Variants in FAM174A observed in about 807,000 individuals in gnomAD.
FAM174A encodes the protein family with sequence similarity 174 member A.
Under a neutral mutation model 14.3 loss-of-function variants are expected in FAM174A, and 14 were observed. The ratio of observed to expected loss-of-function variants is 0.98; its 90% CI spans 0.65 to 1.53. The LOEUF (loss-of-function observed/expected upper bound fraction) is 1.53. FAM174A is among the 40% of genes most tolerant of loss of function. FAM174A has a pLI of 0.00. For missense variants in FAM174A, 241 were observed against 249.6 expected, an observed-to-expected ratio of 0.97 and a Z score of 0.23; for synonymous variants, 108 against 111.4, an observed-to-expected ratio of 0.97 and a Z score of 0.19.
intron 1 of FAM174A, among the ~76,000 whole-genome samples, chr5:100,538,998 T>A (rs2112361907): frequency 6.6e-6 from 1 of 152,298 alleles, no homozygotes; most frequent in Admixed American, 6.5e-5. Flanking sequence ...TCCTTTTTCA[T>A]GCCATGTCGT....
intron 1 of FAM174A, among the ~76,000 whole-genome samples, chr5:100,538,066 T>C (rs896126594): frequency 1.3e-5 from 2 of 152,208 alleles, no homozygotes; most frequent in Admixed American, 6.5e-5. Context: ...AAGTGCATTC[T>C]TTAACCAGCA....
rs754199628 is a variant in FAM174A, at chr5:100,535,719, C to T, written c.189C>T (p.Ala63=). 50 of 1,605,674 alleles carry T rather than the reference C, an allele frequency of 3.1e-5. No individual in the cohort carries two copies. The Middle Eastern group carries it at 1.6e-3, about 53-fold the overall frequency. ...CGCTGCCACCGGGCCCTACCCCTGCCCAGCAGCCGGGCCGTGGTCTGGCTG... is the reference window on the plus strand; with the variant it reads ...CGCTGCCACCGGGCCCTACCCCTGCTCAGCAGCCGGGCCGTGGTCTGGCTG... ...LPPLPPGPTP[A]QQPGRGLAEA... is the part of the protein sequence containing the mutation. The change falls in exon 1 of 3, where the codon GCC becomes GCT. Residue 63 remains alanine (A), a synonymous_variant. Coordinates refer to ENST00000312637, the MANE Select transcript of FAM174A (RefSeq NM_198507.3).
intron 2 of FAM174A, among the ~76,000 whole-genome samples, chr5:100,581,624 A>G (rs546452113): frequency 6.6e-6 from 1 of 152,312 alleles, no homozygotes; most frequent in South Asian, 2.1e-4. Flanking sequence ...TAAGTTAAAA[A>G]TAATTCCAAT....
At chr5:100,576,627 T>C (rs1383947495) in intron 2 of FAM174A, among the ~76,000 whole-genome samples, 1 of 152,134 alleles carries the variant, frequency 6.6e-6, no homozygotes, top group East Asian at 1.9e-4. Flanking sequence ...GACTTACCAG[T>C]TGAGGTGGAA....
chr5:100,551,820 C>G (rs2112373955), intron 1 of FAM174A, among the ~76,000 whole-genome samples: 1 of 152,274 alleles, frequency 6.6e-6, no homozygotes, highest in Admixed American at 6.5e-5. Context: ...ACATGGCGTT[C>G]TGCCTGTGTG....
At chr5:100,542,244 C>T (rs1237319303) in intron 1 of FAM174A, among the ~76,000 whole-genome samples, 1 of 152,142 alleles carries the variant, frequency 6.6e-6, no homozygotes, top group Non-Finnish European at 1.5e-5. Context: ...TATAGCCAGC[C>T]AACTTCTTAC....
chr5:100,586,263 C>T lies in FAM174A; in HGVS notation c.*79C>T. Reference sequence around the variant, plus strand: ...TCTATGTTTAAGGAATAAGAAGCCACTATATCAATGTTGGGGGGGTATTTA... The same window carrying T: ...TCTATGTTTAAGGAATAAGAAGCCATTATATCAATGTTGGGGGGGTATTTA... On this transcript the variant is annotated 3_prime_UTR_variant, in exon 3 of 3. Coordinates refer to ENST00000312637, the MANE Select transcript of FAM174A (RefSeq NM_198507.3). The T allele has an allele frequency of 5.0e-6, 5 of 1,000,602 alleles. No homozygotes were observed. In the South Asian group the frequency reaches 8.1e-5, roughly 16 times the overall value. 62.0% of individuals were successfully genotyped at this position (1,000,602 alleles called of 1,614,324 possible).
intron 2 of FAM174A, among the ~76,000 whole-genome samples, chr5:100,578,289 G>A (rs1326011524): frequency 2.0e-5 from 3 of 152,088 alleles, no homozygotes; most frequent in African/African-American, 7.2e-5. Context: ...GTTATTGACT[G>A]AATGCCCTTA....
chr5:100,571,731 A>G (rs1289229482), intron 2 of FAM174A, among the ~76,000 whole-genome samples: 2 of 149,016 alleles, frequency 1.3e-5, no homozygotes, highest in Non-Finnish European at 3.0e-5. Flanking sequence ...ACTTTATTAT[A>G]AAGTAATAGA....
chr5:100,540,983 T>C (rs1217947116), intron 1 of FAM174A, among the ~76,000 whole-genome samples: 1 of 152,226 alleles, frequency 6.6e-6, no homozygotes, highest in African/African-American at 2.4e-5. Context: ...AGATCTTTGC[T>C]TCACCACATC....
In FAM174A at chr5:100,561,889, T is replaced by C. The variant is rs1484871150; in HGVS notation, c.435-165T>C. 2.6e-5 allele frequency among the ~76,000 whole-genome samples: 4 copies of C among 151,890 alleles called. No homozygotes were observed. In the East Asian group the frequency reaches 5.8e-4, roughly 22 times the overall value. On this transcript the variant is annotated intron_variant, in intron 1 of 2. Transcript: ENST00000312637. ...CATAAACATGTAGGAGTAGGTTTTGTTTCATGAAGTTTAATCCTAGGTGGT... is the reference window on the plus strand; with the variant it reads ...CATAAACATGTAGGAGTAGGTTTTGCTTCATGAAGTTTAATCCTAGGTGGT...
chr5:100,572,556 T>A (rs901418246), intron 2 of FAM174A, among the ~76,000 whole-genome samples: 2 of 151,848 alleles, frequency 1.3e-5, no homozygotes, highest in South Asian at 4.1e-4. Flanking sequence ...CCAATTTCAT[T>A]CATGTCCCTA....
intron 1 of FAM174A, among the ~76,000 whole-genome samples, chr5:100,543,617 T>G (rs1746108714): frequency 6.6e-6 from 1 of 151,980 alleles, no homozygotes; most frequent in Non-Finnish European, 1.5e-5. Flanking sequence ...TGACATGGAG[T>G]CTCCCTCTGT....
chr5:100,576,360 T>C (rs1015672043), intron 2 of FAM174A, among the ~76,000 whole-genome samples: 1 of 152,100 alleles, frequency 6.6e-6, no homozygotes, highest in Non-Finnish European at 1.5e-5. Flanking sequence ...CATTGTCCTG[T>C]GTTGTTTTTA....
chr5:100,565,915 C>G (rs1427208291), intron 2 of FAM174A, among the ~76,000 whole-genome samples: 1 of 151,162 alleles, frequency 6.6e-6, no homozygotes, highest in Non-Finnish European at 1.5e-5. Context: ...TGATGGCAGG[C>G]AAGAGAGCAT....
At chr5:100,581,606 A>C (rs1395601432) in intron 2 of FAM174A, among the ~76,000 whole-genome samples, 2 of 152,194 alleles carry the variant, frequency 1.3e-5, no homozygotes, top group African/African-American at 4.8e-5. Flanking sequence ...AATTGGCTTA[A>C]TTCTTGATAA....
At chr5:100,549,742 G>T (rs1204580599) in intron 1 of FAM174A, among the ~76,000 whole-genome samples, 2 of 151,908 alleles carry the variant, frequency 1.3e-5, no homozygotes, top group Non-Finnish European at 2.9e-5. Flanking sequence ...GGCAGAGCTG[G>T]ATAACTGTCA....
intron 2 of FAM174A, among the ~76,000 whole-genome samples, chr5:100,574,354 AT>A (rs1561323263): frequency 6.6e-6 from 1 of 151,592 alleles, no homozygotes; most frequent in East Asian, 1.9e-4. Flanking sequence ...AGCCTGGCTG[AT>A]TTTTGTATTT....
At chr5:100,559,705 C>A (rs997447772) in intron 1 of FAM174A, among the ~76,000 whole-genome samples, 4 of 152,060 alleles carry the variant, frequency 2.6e-5, no homozygotes, top group African/African-American at 9.7e-5. Flanking sequence ...ATTTGATCTT[C>A]CATCACTGAT....
Sources: gnomAD v4.1 joint callset for allele counts (sites outside exome capture counted in the v4.1 genomes callset) on GRCh38, gnomAD v4.1.1 for gene constraint, MANE v1.5 for transcripts, NCBI Gene and HGNC (gene_info 2026-07-23, HGNC 2026-07-21) for gene names.